Variants in RAD17 observed in about 807,000 individuals in gnomAD.
RAD17 encodes cell cycle checkpoint protein RAD17.
Under a neutral mutation model 81.5 loss-of-function variants are expected in RAD17, and 31 were observed. The ratio of observed to expected loss-of-function variants is 0.38; its 90% CI spans 0.29 to 0.51. The LOEUF is 0.51. RAD17 is among the 20% of genes least tolerant of loss of function. RAD17 has a pLI of 0.88. For missense variants in RAD17, 681 were observed against 781.2 expected, an observed-to-expected ratio of 0.87 and a Z score of 1.53; for synonymous variants, 261 against 266.2, an observed-to-expected ratio of 0.98 and a Z score of 0.19.
intron 7 of RAD17, 25 bp from the exon 8 acceptor site, chr5:69,384,772 A>T (rs777083337): frequency 6.3e-7 from 1 of 1,582,332 alleles, no homozygotes; most frequent in Non-Finnish European, 8.6e-7. Flanking sequence ...GTTGAAAATA[A>T]AAGTGGTTAT....
At chr5:69,385,209 C>T (rs527281058) in intron 8 of RAD17, among the ~76,000 whole-genome samples, 4 of 151,244 alleles carry the variant, frequency 2.6e-5, no homozygotes, top group South Asian at 2.1e-4. Flanking sequence ...ATATGCCCAC[C>T]GTGGCCTCCC....
At chr5:69,399,248 C>T (rs1765099141) in intron 16 of RAD17, among the ~76,000 whole-genome samples, 1 of 152,090 alleles carries the variant, frequency 6.6e-6, no homozygotes, top group Admixed American at 6.6e-5. Context: ...GAGTGAGACC[C>T]CCATCTCTCA....
chr5:69,392,849 G>C (rs757967584), intron 13 of RAD17: 2 of 465,544 alleles, frequency 4.3e-6, no homozygotes, highest in South Asian at 3.6e-5. Context: ...CCACTGTATT[G>C]AGATGAGAAA....
At chr5:69,370,249 G>C (rs917093445) in intron 1 of RAD17, 3 of 153,574 alleles carry the variant, frequency 2.0e-5, no homozygotes, top group African/African-American at 7.2e-5. Flanking sequence ...CAGTAACCTC[G>C]CATCTTCAGG....
intron 6 of RAD17, among the ~76,000 whole-genome samples, chr5:69,377,507 G>GCA (rs1554038651): frequency 2.7e-5 from 2 of 73,128 alleles, no homozygotes; most frequent in Non-Finnish European, 5.0e-5. Context: ...GTATATATAT[G>GCA]TATATATACG....
At chr5:69,374,933 C>T (rs1182343183) in intron 6 of RAD17, among the ~76,000 whole-genome samples, 3 of 152,094 alleles carry the variant, frequency 2.0e-5, no homozygotes, top group African/African-American at 7.2e-5. Flanking sequence ...CGAGAGCAGC[C>T]TGGGCAACAT....
chr5:69,381,052 A>C (rs1763824806), intron 6 of RAD17, among the ~76,000 whole-genome samples: 1 of 152,040 alleles, frequency 6.6e-6, no homozygotes, highest in South Asian at 2.1e-4. Flanking sequence ...TACAGGTGTG[A>C]GCCGCCGTGC....
intron 13 of RAD17, 34 bp downstream of exon 13, chr5:69,392,047 A>G: frequency 7.0e-7 from 1 of 1,421,454 alleles, no homozygotes; most frequent in Non-Finnish European, 9.4e-7. Context: ...AATCTGTTGG[A>G]TATCACATAG....
chr5:69,369,621 C>T (rs771075533), upstream of RAD17: 2 of 1,572,632 alleles, frequency 1.3e-6, no homozygotes, highest in Admixed American at 3.8e-5. Flanking sequence ...GCGCCCCTAG[C>T]CTGCCCCGGC....
At chr5:69,396,146 A>C (rs575625889) in intron 15 of RAD17, among the ~76,000 whole-genome samples, 1 of 152,206 alleles carries the variant, frequency 6.6e-6, no homozygotes, top group Non-Finnish European at 1.5e-5. Context: ...TGCCTCAAAA[A>C]TGTATTCAAA....
In RAD17 at chr5:69,371,451, C is replaced by T. The variant is rs914100119; in HGVS notation, c.-279-3C>T. ...GAGGGCTTCTTCCCCCCCCCCCCCCCAGGTGAATTATAGTTTAATGTACTG... is the reference window on the plus strand; with the variant it reads ...GAGGGCTTCTTCCCCCCCCCCCCCCTAGGTGAATTATAGTTTAATGTACTG... On this transcript the variant is annotated splice_polypyrimidine_tract_variant and splice_region_variant and intron_variant, in intron 2 of 18. Transcript: ENST00000354868. The T allele has an allele frequency of 1.3e-5, 3 of 232,726 alleles. No homozygotes were observed. The highest frequency in any genetic ancestry group is 4.1e-5 in the African/African-American group (1 of 24,248). The allele number at this position is 232,726 out of a possible 1,614,324, so 14.4% of individuals were successfully genotyped here.
Position 69,393,314 on chromosome 5 carries a change from C to T in RAD17, c.1276-40C>T, listed in dbSNP as rs752618615. On this transcript the variant is annotated intron_variant, in intron 14 of 18. Transcript: ENST00000354868. The stretch of plus-strand genomic sequence containing the variant: ...CGTGTGCATATATATTTGACCATTG[C>T]ATTTTTACCAAATTTATGTATATAT... 8 of 1,574,288 alleles carry T rather than the reference C, an allele frequency of 5.1e-6. No homozygotes were observed. In the African/African-American group the frequency reaches 8.2e-5, roughly 16 times the overall value.
chr5:69,369,721 C>T (rs1366805875), upstream of RAD17: 2 of 1,550,230 alleles, frequency 1.3e-6, no homozygotes, highest in African/African-American at 2.7e-5. Context: ...GTCGGTACTT[C>T]GGGTCAGGCA....
intron 18 of RAD17, among the ~76,000 whole-genome samples, chr5:69,411,983 G>A (rs1766036045): frequency 6.6e-6 from 1 of 151,776 alleles, no homozygotes; most frequent in Non-Finnish European, 1.5e-5. Context: ...TGTAGACGGA[G>A]TCTAGCTTTA....
intron 7 of RAD17, among the ~76,000 whole-genome samples, chr5:69,383,572 GTTTCACCAC>G (rs1385284949): frequency 6.6e-6 from 1 of 151,736 alleles, no homozygotes; most frequent in Non-Finnish European, 1.5e-5. Flanking sequence ...TAGAGATGGG[GTTTCACCAC>G]GTTGGTCAGG....
intron 7 of RAD17, among the ~76,000 whole-genome samples, chr5:69,384,495 T>C (rs1336819608): frequency 6.6e-6 from 1 of 152,110 alleles, no homozygotes; most frequent in Non-Finnish European, 1.5e-5. Flanking sequence ...GTGTATTTTT[T>C]TGTAGAGACC....
At chr5:69,382,102 T>G (rs1763896045) in intron 7 of RAD17, 45 bp downstream of exon 7, 1 of 1,560,148 alleles carries the variant, frequency 6.4e-7, no homozygotes, top group African/African-American at 1.4e-5. Context: ...GGCAAACCTG[T>G]GCTTAAGGGA....
At chr5:69,376,177 A>T (rs546752756) in intron 6 of RAD17, among the ~76,000 whole-genome samples, 1 of 152,190 alleles carries the variant, frequency 6.6e-6, no homozygotes, top group Non-Finnish European at 1.5e-5. Context: ...TTCATTGTAG[A>T]GTAACTTTCC....
At chr5:69,382,871 C>T (rs1211270215) in intron 7 of RAD17, among the ~76,000 whole-genome samples, 1 of 152,028 alleles carries the variant, frequency 6.6e-6, no homozygotes, top group East Asian at 1.9e-4. Flanking sequence ...ACAACCTCTG[C>T]CTCCCAGACT....
Sources: allele counts gnomAD v4.1 joint callset (sites outside exome capture counted in the v4.1 genomes callset), GRCh38; gene constraint gnomAD v4.1.1; transcripts MANE v1.5; gene names NCBI Gene and HGNC (gene_info 2026-07-23, HGNC 2026-07-21).